MACROD2: variants seen among roughly 807,000 people sequenced by gnomAD.
The protein encoded by MACROD2 is mono-ADP ribosylhydrolase 2.
A neutral mutation model predicts 70.4 loss-of-function variants in MACROD2; 36 were observed. The ratio of observed to expected loss-of-function variants is 0.51; its 90% CI spans 0.39 to 0.68. The LOEUF (loss-of-function observed/expected upper bound fraction) is 0.68. Among genes scored for constraint, MACROD2 ranks in the 30% least tolerant of loss-of-function variants. The pLI is 0.00. For missense variants in MACROD2, 496 were observed against 538.4 expected (o/e 0.92, Z 0.78); for synonymous variants, 172 against 178.8 (o/e 0.96, Z 0.30).
intron 3 of MACROD2, among the ~76,000 whole-genome samples, chr20:14,332,230 A>G (rs1395765720): frequency 6.6e-6 from 1 of 152,130 alleles, no homozygotes; most frequent in East Asian, 1.9e-4. Context: ...TAATGTAATC[A>G]TCAAGTCTGA....
chr20:14,885,366 A>G (rs1028974078), intron 5 of MACROD2, among the ~76,000 whole-genome samples: 2 of 152,110 alleles, frequency 1.3e-5, no homozygotes, highest in African/African-American at 2.4e-5. Context: ...ATACATAAAT[A>G]CCAATTACAA....
intron 5 of MACROD2, among the ~76,000 whole-genome samples, chr20:14,787,962 C>T (rs1284499611): frequency 6.6e-6 from 1 of 152,040 alleles, no homozygotes; most frequent in Non-Finnish European, 1.5e-5. Context: ...TTTTTACTCA[C>T]TATAAAACAT....
At chr20:14,591,388 T>G (rs1048886307) in intron 4 of MACROD2, among the ~76,000 whole-genome samples, 1 of 152,212 alleles carries the variant, frequency 6.6e-6, no homozygotes, top group Admixed American at 6.5e-5. Context: ...TCTCTTATTC[T>G]GTATAGTTTT....
At chr20:15,295,853 A>G (rs1303532211) in intron 6 of MACROD2, among the ~76,000 whole-genome samples, 1 of 152,188 alleles carries the variant, frequency 6.6e-6, no homozygotes, top group Non-Finnish European at 1.5e-5. Context: ...CCTCCTGTAC[A>G]GATAGCTCAT....
intron 5 of MACROD2, among the ~76,000 whole-genome samples, chr20:15,023,507 C>T (rs559522173): frequency 6.6e-6 from 1 of 152,262 alleles, no homozygotes; most frequent in African/African-American, 2.4e-5. Context: ...TCTGTTCTCA[C>T]ACTGCTAATA....
chr20:15,853,845 A>G (rs1028747896), intron 8 of MACROD2, among the ~76,000 whole-genome samples: 2 of 152,188 alleles, frequency 1.3e-5, no homozygotes, highest in African/African-American at 4.8e-5. Context: ...GCTAATTAGT[A>G]GGTGTGTTTT....
At chr20:14,119,253 C>T (rs150136037) in intron 3 of MACROD2, among the ~76,000 whole-genome samples, 232 of 148,488 alleles carry the variant, frequency 1.6e-3, no homozygotes, top group Middle Eastern at 6.9e-3. Flanking sequence ...CTGCAACCTC[C>T]GCCTCCTGGG....
chr20:15,009,986 AG>A (rs2075069819), intron 5 of MACROD2, among the ~76,000 whole-genome samples: 2 of 152,134 alleles, frequency 1.3e-5, no homozygotes, highest in Admixed American at 1.3e-4. Context: ...TCATAAAAAA[AG>A]CTCACTTCAT....
At chr20:15,381,721 C>G (rs1568763949) in intron 6 of MACROD2, among the ~76,000 whole-genome samples, 1 of 152,008 alleles carries the variant, frequency 6.6e-6, no homozygotes, top group Non-Finnish European at 1.5e-5. Flanking sequence ...TCTGGCTGTT[C>G]TAAGAAGAAA....
intron 15 of MACROD2, among the ~76,000 whole-genome samples, chr20:16,002,477 C>G (rs946299934): frequency 1.3e-5 from 2 of 152,120 alleles, no homozygotes; most frequent in Middle Eastern, 3.4e-3. Flanking sequence ...AATAGGGAAG[C>G]AGGAGAGTCA....
At chr20:15,586,802 C>T (rs1432201846) in intron 8 of MACROD2, among the ~76,000 whole-genome samples, 1 of 151,838 alleles carries the variant, frequency 6.6e-6, no homozygotes, top group Admixed American at 6.6e-5. Flanking sequence ...AAGCAATAAA[C>T]AAAGAGAATA....
intron 3 of MACROD2, among the ~76,000 whole-genome samples, chr20:14,270,667 C>T (rs1327200350): frequency 6.6e-6 from 1 of 151,436 alleles, no homozygotes; most frequent in Non-Finnish European, 1.5e-5. Context: ...CTTGCATTTT[C>T]TCAACTCAAC....
chr20:14,535,505 CAAAAAAAAA>C (rs11357982), intron 4 of MACROD2, among the ~76,000 whole-genome samples: 1 of 62,990 alleles, frequency 1.6e-5, no homozygotes, highest in African/African-American at 5.9e-5. Flanking sequence ...AACTCCGTCT[CAAAAAAAAA>C]AAAAAAAAAA....
intron 3 of MACROD2, among the ~76,000 whole-genome samples, chr20:14,177,556 T>C (rs2081272972): frequency 6.6e-6 from 1 of 152,170 alleles, no homozygotes; most frequent in African/African-American, 2.4e-5. Flanking sequence ...CCTCAGGTGA[T>C]CTGCCCGCCT....
chr20:14,925,901 T>G (rs1056895685), intron 5 of MACROD2, among the ~76,000 whole-genome samples: 1 of 152,194 alleles, frequency 6.6e-6, no homozygotes, highest in African/African-American at 2.4e-5. Flanking sequence ...CAGGGACTTA[T>G]ATAGTATGTT....
intron 5 of MACROD2, among the ~76,000 whole-genome samples, chr20:15,177,525 CG>C (rs1450742641): frequency 5.3e-5 from 8 of 151,836 alleles, no homozygotes; most frequent in Admixed American, 1.3e-4. Flanking sequence ...ACTCATTCAT[CG>C]CCATTGAATC....
At chr20:15,766,723 T>C (rs910136869) in intron 8 of MACROD2, among the ~76,000 whole-genome samples, 6 of 152,204 alleles carry the variant, frequency 3.9e-5, no homozygotes, top group Admixed American at 3.9e-4. Flanking sequence ...TGATGTGGAA[T>C]TTGCAACAAT....
intron 12 of MACROD2, among the ~76,000 whole-genome samples, chr20:15,948,382 C>CAAAAAAAAAAAAAAAAAAAAAAAAAAAAG (rs2065855907): frequency 2.3e-5 from 1 of 43,130 alleles, no homozygotes; most frequent in Non-Finnish European, 4.7e-5. Flanking sequence ...CTTGCAACTG[C>CAAAAAAAAAAAAAAAAAAAAAAAAAAAAG]AAAAAAAAAA....
chr20:14,325,196 C>A, intron 3 of MACROD2: 1 of 166,316 alleles, frequency 6.0e-6, no homozygotes, highest in South Asian at 1.8e-4. Context: ...GAATGCAGTC[C>A]TGATTGTTCG....
Sources: allele counts gnomAD v4.1 joint callset (sites outside exome capture counted in the v4.1 genomes callset), GRCh38; gene constraint gnomAD v4.1.1; transcripts MANE v1.5; gene names NCBI Gene and HGNC (gene_info 2026-07-23, HGNC 2026-07-21).